Variants in TMPRSS12 observed in about 807,000 individuals in gnomAD.
TMPRSS12 encodes transmembrane protease serine 12.
Under a neutral mutation model 26.0 loss-of-function variants are expected in TMPRSS12, and 25 were observed. The ratio of observed to expected loss-of-function variants is 0.96; its 90% CI spans 0.70 to 1.34. The LOEUF (loss-of-function observed/expected upper bound fraction) is 1.34. Among genes scored for constraint, TMPRSS12 ranks in the 40% most tolerant of loss-of-function variants. The pLI is 0.00. For missense variants in TMPRSS12, 441 were observed against 440.1 expected, an observed-to-expected ratio of 1.00 and a Z score of -0.02; for synonymous variants, 150 against 161.7, an observed-to-expected ratio of 0.93 and a Z score of 0.55.
chr12:50,855,000 G>A (rs902553870), intron 2 of TMPRSS12, among the ~76,000 whole-genome samples: 6 of 152,074 alleles, frequency 3.9e-5, no homozygotes, highest in Non-Finnish European at 7.4e-5. Flanking sequence ...AGCCCAAATA[G>A]CCAAAGGAAT....
At chr12:50,860,194 A>C (rs1310743418) in intron 3 of TMPRSS12, among the ~76,000 whole-genome samples, 1 of 152,220 alleles carries the variant, frequency 6.6e-6, no homozygotes, top group Admixed American at 6.5e-5. Context: ...CTGGCTATGA[A>C]GAATCATATT....
rs535595304 is a variant in TMPRSS12 at position 50,872,236 on chromosome 12, G to A, written c.653-13010G>A. On this transcript the variant is annotated intron_variant, in intron 3 of 4. Transcript: ENST00000398458. ...AGTGGTTAAAGAAACTGTGAAGGCCGGGCGCGGTGGCTCACGCCTGTAATC... is the reference window on the plus strand; with the variant it reads ...AGTGGTTAAAGAAACTGTGAAGGCCAGGCGCGGTGGCTCACGCCTGTAATC... Among the ~76,000 whole-genome samples, 150 of 152,230 alleles carry A rather than the reference G, an allele frequency of 9.9e-4. 1 individual carries two copies. In the South Asian group the frequency reaches 0.027, roughly 28 times the overall value.
At chr12:50,882,057 T>C (rs1938180349) in intron 3 of TMPRSS12, among the ~76,000 whole-genome samples, 1 of 129,810 alleles carries the variant, frequency 7.7e-6, no homozygotes, top group Non-Finnish European at 1.6e-5. Context: ...ATTTAGTTAG[T>C]TAGTTTGAAT....
At chr12:50,863,056 T>C (rs2554852) in intron 3 of TMPRSS12, among the ~76,000 whole-genome samples, 109,272 of 151,686 alleles carry the variant, frequency 0.72, 39,652 homozygotes, top group Non-Finnish European at 0.77. Flanking sequence ...TGGTAGTGCA[T>C]GTCTATAGTC....
intron 3 of TMPRSS12, 68 bp downstream of exon 3, chr12:50,859,121 T>C: frequency 1.4e-6 from 2 of 1,381,990 alleles, no homozygotes; most frequent in Non-Finnish European, 1.9e-6. Flanking sequence ...TCAAACCTTT[T>C]ATATACATTC....
chr12:50,875,489 CAAAAA>C (rs56816598), intron 3 of TMPRSS12, among the ~76,000 whole-genome samples: 19 of 69,500 alleles, frequency 2.7e-4, no homozygotes, highest in East Asian at 4.9e-4. Flanking sequence ...GACTCCATCT[CAAAAA>C]AAAAAAAAAA....
At chr12:50,881,465 A>G (rs2139737497) in intron 3 of TMPRSS12, among the ~76,000 whole-genome samples, 1 of 152,306 alleles carries the variant, frequency 6.6e-6, no homozygotes, top group South Asian at 2.1e-4. Flanking sequence ...TTAAACCCTA[A>G]TAAAGCTGTA....
intron 2 of TMPRSS12, among the ~76,000 whole-genome samples, chr12:50,849,949 C>G (rs1175634194): frequency 1.3e-5 from 2 of 151,444 alleles, no homozygotes; most frequent in Non-Finnish European, 2.9e-5. Flanking sequence ...GATCTATTTT[C>G]TGTCTTTATA....
intron 2 of TMPRSS12, among the ~76,000 whole-genome samples, chr12:50,856,799 C>T (rs976827233): frequency 1.3e-5 from 2 of 152,018 alleles, no homozygotes; most frequent in Non-Finnish European, 2.9e-5. Context: ...AATCCTCCCA[C>T]CTTAGCCTCT....
rs1938235774 is a variant in TMPRSS12 at position 50,887,258 on chromosome 12, A to T, written c.796-4A>T. ...CAAACACTATTTTGGGACTTTTTTG[A>T]CAGGGTGACAGTGGGGGACCATTAA... On this transcript the variant is annotated splice_region_variant and splice_polypyrimidine_tract_variant and intron_variant, in intron 4 of 4. Transcript: ENST00000398458. The T allele has an allele frequency of 1.2e-6, 2 of 1,609,806 alleles. No individual in the cohort carries two copies. Among genetic ancestry groups the T allele is most frequent in the Non-Finnish European group, 1.7e-6 (2 of 1,178,216 alleles).
intron 1 of TMPRSS12, among the ~76,000 whole-genome samples, chr12:50,843,430 G>A (rs1193857146): frequency 6.6e-6 from 1 of 152,106 alleles, no homozygotes; most frequent in East Asian, 1.9e-4. Context: ...TGAAAGGGAG[G>A]GCTATTAGGT....
chr12:50,850,438 G>A (rs1163278348), intron 2 of TMPRSS12, among the ~76,000 whole-genome samples: 5 of 152,126 alleles, frequency 3.3e-5, no homozygotes, highest in African/African-American at 7.2e-5. Context: ...AAATTAGCCC[G>A]GTATGGTGGC....
At chr12:50,859,324 T>A (rs1208813603) in intron 3 of TMPRSS12, among the ~76,000 whole-genome samples, 1 of 152,016 alleles carries the variant, frequency 6.6e-6, no homozygotes, top group African/African-American at 2.4e-5. Flanking sequence ...CAAGTGATTC[T>A]CCTGCCTCAG....
intron 2 of TMPRSS12, among the ~76,000 whole-genome samples, chr12:50,847,304 G>T (rs1313831150): frequency 2.0e-5 from 3 of 151,596 alleles, no homozygotes; most frequent in African/African-American, 7.3e-5. Flanking sequence ...TGATCCGCCC[G>T]TCTCGGCCTC....
intron 3 of TMPRSS12, among the ~76,000 whole-genome samples, chr12:50,860,348 A>G (rs1386131082): frequency 6.6e-6 from 1 of 152,200 alleles, no homozygotes; most frequent in African/African-American, 2.4e-5. Flanking sequence ...CTCTTTGGTA[A>G]TAAGAGCTAC....
chr12:50,859,101 C>T, intron 3 of TMPRSS12, 48 bp downstream of exon 3: 10 of 1,483,398 alleles, frequency 6.7e-6, no homozygotes, highest in Non-Finnish European at 8.9e-6. Flanking sequence ...TGATTATGGG[C>T]AGAGGAAGGT....
intron 3 of TMPRSS12, among the ~76,000 whole-genome samples, chr12:50,861,694 A>G (rs556455496): frequency 3.9e-5 from 6 of 152,346 alleles, no homozygotes; most frequent in Non-Finnish European, 8.8e-5. Context: ...AGTAAAATAA[A>G]GCTTAAAGAG....
chr12:50,886,909 CTAA>C (rs1212134095), intron 4 of TMPRSS12: 1 of 193,596 alleles, frequency 5.2e-6, no homozygotes, highest in Admixed American at 5.7e-5. Context: ...AGAGAATATT[CTAA>C]TAATAGACAG....
At position 50,887,344 on chromosome 12, in the gene TMPRSS12, G is replaced by A; in HGVS notation, c.878G>A (p.Gly293Asp). ...ATGGGAATTACCAGTTACGGACATG[G>A]CTGTGGTCGAAGAGGTTTTCCTGGT... Reference protein sequence around the residue: ...FVMGITSYGHGCGRRGFPGVY... With the variant: ...FVMGITSYGHDCGRRGFPGVY... The change falls in exon 5 of 5, where the codon GGC becomes GAC. Residue 293 changes from glycine to aspartate, a missense_variant. Physicochemically the swap from Gly to Asp is moderately conservative, Grantham distance 94 (BLOSUM62 -1). Coordinates refer to ENST00000398458, the MANE Select transcript of TMPRSS12 (RefSeq NM_182559.3). 6.2e-7 allele frequency: 1 copy of A among 1,613,882 alleles called. No homozygotes were observed. The highest frequency in any genetic ancestry group is 8.5e-7 in the Non-Finnish European group (1 of 1,179,864).
Sources: allele counts gnomAD v4.1 joint callset (sites outside exome capture counted in the v4.1 genomes callset), GRCh38; gene constraint gnomAD v4.1.1; transcripts MANE v1.5; gene names NCBI Gene and HGNC (gene_info 2026-07-23, HGNC 2026-07-21).